Variants in ATF7 observed in about 807,000 individuals in gnomAD.
The protein encoded by ATF7 is activating transcription factor 7.
ATF7 carries 10 observed loss-of-function variants against 50.4 expected under a neutral mutation model. That is an observed-to-expected ratio of 0.20 (90% CI 0.12 to 0.34). The LOEUF is 0.34. ATF7 is among the 10% of genes least tolerant of loss of function. ATF7 has a pLI of 1.00. For synonymous variants in ATF7, 201 were observed against 226.4 expected, an observed-to-expected ratio of 0.89 and a Z score of 1.01; for missense variants, 465 against 613.9, an observed-to-expected ratio of 0.76 and a Z score of 2.56.
rs182131097 is a variant in ATF7, at chr12:53,610,497, G to A, written c.-21-9476C>T. On this transcript the variant is annotated intron_variant, in intron 1 of 11. Coordinates refer to ENST00000420353, the MANE Select transcript of ATF7 (RefSeq NM_006856.3). ...GGAGAATCACTTGAACCCAGAAGGC[G>A]GAGGTTGCAGTGAGCTGAGATCACA... 2.0e-4 allele frequency among the ~76,000 whole-genome samples: 30 copies of A among 151,228 alleles called. No individual in the cohort carries two copies. The East Asian group carries it at 3.5e-3, about 18-fold the overall frequency.
chr12:53,604,910 T>C lies in ATF7; in HGVS notation c.-21-3889A>G, dbSNP rs1281765872. Among the ~76,000 whole-genome samples, 3 of 152,252 alleles carry C rather than the reference T, an allele frequency of 2.0e-5. No individual in the cohort carries two copies. In the East Asian group the frequency reaches 5.8e-4, roughly 29 times the overall value. On this transcript the variant is annotated intron_variant, in intron 1 of 11. Transcript: ENST00000420353. ...ACAATAGGCCTTTACACAAAAATAA[T>C]ATTTTACTCATCTGTCATGAAAGAA...
At position 53,531,770 on chromosome 12, in the gene ATF7, C is replaced by T; in HGVS notation, c.901G>A (p.Asp301Asn). 1 of 1,611,872 alleles carries T rather than the reference C, an allele frequency of 6.2e-7. No individual in the cohort carries two copies. The highest frequency in any genetic ancestry group is 1.7e-5 in the Admixed American group (1 of 59,650). The change falls in exon 9 of 12, where the codon GAT becomes AAT. Residue 301 changes from aspartate to asparagine, a missense_variant. Coordinates refer to ENST00000420353, the MANE Select transcript of ATF7 (RefSeq NM_006856.3). ...TGTGGCTGGGCAGGGGATGGGGCAT[C>T]AGGGTGCTGGATGAGAATCTGGCTC... is the stretch of plus-strand genomic sequence containing the variant. The part of the protein sequence containing the change: ...EQSQILIQHP[D>N]APSPAQPQVS...
intron 4 of ATF7, chr12:53,543,060 T>C (rs1016854633): frequency 7.6e-7 from 1 of 1,318,038 alleles, no homozygotes; most frequent in African/African-American, 1.5e-5. Flanking sequence ...TAAATATTTT[T>C]TAAAAAACCG....
intron 9 of ATF7, 29 bp downstream of exon 9, chr12:53,531,715 A>G: frequency 1.3e-6 from 2 of 1,589,856 alleles, no homozygotes; most frequent in South Asian, 1.1e-5. Context: ...CGTCATAAAG[A>G]TATGACATAA....
At chr12:53,529,657 ACACAC>A (rs1038804088) in intron 9 of ATF7, among the ~76,000 whole-genome samples, 1 of 147,822 alleles carries the variant, frequency 6.8e-6, no homozygotes, top group Non-Finnish European at 1.5e-5. Context: ...ATATATATAC[ACACAC>A]ACATATATAT....
chr12:53,558,495 A>T (rs985227102), intron 2 of ATF7, among the ~76,000 whole-genome samples: 3 of 152,220 alleles, frequency 2.0e-5, no homozygotes, highest in Admixed American at 1.3e-4. Context: ...ACAGGCAAAA[A>T]ACTTCCAGCC....
At chr12:53,565,239 T>G (rs1287595141) in intron 2 of ATF7, among the ~76,000 whole-genome samples, 1 of 151,854 alleles carries the variant, frequency 6.6e-6, no homozygotes, top group Non-Finnish European at 1.5e-5. Context: ...CATCAGGGAT[T>G]GGGCAATGTA....
intron 1 of ATF7, 108 bp from the exon 2 acceptor site, chr12:53,601,129 C>T (rs2137824077): frequency 1.3e-6 from 1 of 782,300 alleles, no homozygotes. Flanking sequence ...TCCACGAATG[C>T]CATCTATCAA....
At chr12:53,626,231 G>A (rs1944600811) in intron 1 of ATF7, 48 bp downstream of exon 1, 1 of 152,824 alleles carries the variant, frequency 6.5e-6, no homozygotes, top group African/African-American at 2.4e-5. Context: ...AGAGTTGAAA[G>A]GGAGACTCCC....
chr12:53,524,336 G>A lies in ATF7; in HGVS notation c.1125+228C>T, dbSNP rs141097570. Among the ~76,000 whole-genome samples, 305 of 152,234 alleles carry A rather than the reference G, an allele frequency of 2.0e-3. 1 individual carries two copies. Among genetic ancestry groups the A allele is most frequent in the African/African-American group, 7.1e-3 (296 of 41,538 alleles). ...CTTAATCTAATTCCTTCATCCAAAT[G>A]CGTTTAAGGATGACTCTAATAGGAG... On this transcript the variant is annotated intron_variant, in intron 10 of 11. Coordinates refer to ENST00000420353, the MANE Select transcript of ATF7 (RefSeq NM_006856.3). This position sits in a 1 kb window ranked among gnomAD's most constrained non-coding sequence, Gnocchi z 4.6.
chr12:53,616,928 G>A (rs547837834), intron 1 of ATF7, among the ~76,000 whole-genome samples: 17 of 132,616 alleles, frequency 1.3e-4, no homozygotes, highest in African/African-American at 4.1e-4. Context: ...CTAGGCAACA[G>A]AGAACGACTC....
chr12:53,532,466 T>G, intron 8 of ATF7, 44 bp downstream of exon 8: 1 of 1,464,454 alleles, frequency 6.8e-7, no homozygotes, highest in Non-Finnish European at 9.4e-7. Context: ...ATCACCCACT[T>G]CTTTCAGAAA....
intron 1 of ATF7, among the ~76,000 whole-genome samples, chr12:53,605,863 G>A (rs935464656): frequency 3.9e-5 from 6 of 152,148 alleles, no homozygotes; most frequent in Admixed American, 3.9e-4. Context: ...AATATTCACT[G>A]ATTTAATATT....
At chr12:53,517,450 C>T (rs938050103) in intron 11 of ATF7, 96 bp from the exon 12 acceptor site, 17 of 1,232,986 alleles carry the variant, frequency 1.4e-5, no homozygotes, top group Non-Finnish European at 1.9e-5. Flanking sequence ...CTAAAGGAGC[C>T]CAAAAGGGAA....
intron 3 of ATF7, among the ~76,000 whole-genome samples, chr12:53,546,805 G>A (rs1284508657): frequency 3.4e-5 from 5 of 146,982 alleles, no homozygotes; most frequent in South Asian, 2.2e-4. Context: ...CCACCCAGGC[G>A]GGAGAGCAGT....
intron 2 of ATF7, among the ~76,000 whole-genome samples, chr12:53,574,305 G>A (rs1941935910): frequency 6.6e-6 from 1 of 152,120 alleles, no homozygotes; most frequent in Non-Finnish European, 1.5e-5. Flanking sequence ...GGCCCAGGAA[G>A]GGCATGGAAG....
chr12:53,612,226 T>G (rs961936137), intron 1 of ATF7, among the ~76,000 whole-genome samples: 1 of 152,066 alleles, frequency 6.6e-6, no homozygotes, highest in South Asian at 2.1e-4. Context: ...TCCTCCTGCC[T>G]TGACCTCCTA....
intron 2 of ATF7, among the ~76,000 whole-genome samples, chr12:53,596,624 A>C (rs1472528749): frequency 3.3e-5 from 5 of 152,236 alleles, no homozygotes; most frequent in Non-Finnish European, 5.9e-5. Flanking sequence ...AGCATCCAAA[A>C]GGTAAGTTAT....
At chr12:53,559,121 T>TAA (rs777243513) in intron 2 of ATF7, among the ~76,000 whole-genome samples, 1 of 136,472 alleles carries the variant, frequency 7.3e-6, no homozygotes, top group Non-Finnish European at 1.6e-5. Context: ...TGTCTCTATT[T>TAA]AAAAAAAAAA....
Sources: gnomAD v4.1 joint callset for allele counts (sites outside exome capture counted in the v4.1 genomes callset) on GRCh38, gnomAD v4.1.1 for gene constraint, Gnocchi (gnomAD v3.1) non-coding constraint, MANE v1.5 for transcripts, NCBI Gene and HGNC (gene_info 2026-07-23, HGNC 2026-07-21) for gene names.